CAMK1D: variants seen among roughly 807,000 people sequenced by gnomAD.
CAMK1D encodes calcium/calmodulin-dependent protein kinase type 1D.
Under a neutral mutation model 47.7 loss-of-function variants are expected in CAMK1D, and 9 were observed. That is an observed-to-expected ratio of 0.19 (90% CI 0.11 to 0.33). CAMK1D has a LOEUF of 0.33. Ranked by LOEUF, CAMK1D falls within the 10% of genes least tolerant of loss-of-function variation. The pLI, the probability that CAMK1D is intolerant of heterozygous loss-of-function variation, is 1.00. For synonymous variants in CAMK1D, 184 were observed against 184.9 expected (o/e 0.99, Z 0.04); for missense variants, 291 against 488.7 (o/e 0.60, Z 3.81).
At chr10:12,616,724 A>G (rs1028102327) in intron 2 of CAMK1D, among the ~76,000 whole-genome samples, 4 of 152,098 alleles carry the variant, frequency 2.6e-5, no homozygotes, top group Non-Finnish European at 5.9e-5. Flanking sequence ...TCACCTTGTT[A>G]GCCAGGATGG....
chr10:12,517,195 A>G (rs7079144), intron 1 of CAMK1D, among the ~76,000 whole-genome samples: 79,584 of 151,868 alleles, frequency 0.52, 21,003 homozygotes, highest in South Asian at 0.68. Context: ...CATTGCTCGT[A>G]TATAGAAACA....
At chr10:12,800,474 A>T (rs529833049) in intron 6 of CAMK1D, among the ~76,000 whole-genome samples, 114 of 152,362 alleles carry the variant, frequency 7.5e-4, no homozygotes, top group African/African-American at 2.7e-3. Context: ...GCCAAGGCAG[A>T]GGACAAACAG....
intron 2 of CAMK1D, among the ~76,000 whole-genome samples, chr10:12,594,144 C>CT (rs1838077941): frequency 2.0e-5 from 3 of 152,166 alleles, no homozygotes; most frequent in Non-Finnish European, 2.9e-5. Flanking sequence ...CCATTGCACT[C>CT]TAATAACACA....
intron 2 of CAMK1D, among the ~76,000 whole-genome samples, chr10:12,623,716 T>C (rs1588702697): frequency 1.3e-5 from 2 of 152,018 alleles, no homozygotes; most frequent in South Asian, 4.2e-4. Context: ...GCTCCCTTTT[T>C]TTCCCCCCCA....
intron 1 of CAMK1D, among the ~76,000 whole-genome samples, chr10:12,446,311 TG>T (rs1832923839): frequency 2.0e-5 from 3 of 152,056 alleles, no homozygotes; most frequent in Non-Finnish European, 2.9e-5. Flanking sequence ...AAACAAGGGG[TG>T]AATTATTCAT....
At chr10:12,627,303 C>T (rs1349817906) in intron 2 of CAMK1D, among the ~76,000 whole-genome samples, 1 of 151,918 alleles carries the variant, frequency 6.6e-6, no homozygotes, top group Admixed American at 6.6e-5. Context: ...CCAGGATGGT[C>T]GCGATCTCCC....
intron 1 of CAMK1D, among the ~76,000 whole-genome samples, chr10:12,488,514 C>T (rs77387163): frequency 0.029 from 4,404 of 152,102 alleles, 218 homozygotes; most frequent in African/African-American, 0.1. Flanking sequence ...CAAATGTTTC[C>T]GTGGACTGGG....
chr10:12,485,667 G>C (rs139699424), intron 1 of CAMK1D, among the ~76,000 whole-genome samples: 4 of 152,276 alleles, frequency 2.6e-5, no homozygotes, highest in African/African-American at 9.6e-5. Context: ...CTCTAATTCA[G>C]CTTCTTTATC....
chr10:12,385,751 T>G (rs987241659), intron 1 of CAMK1D, among the ~76,000 whole-genome samples: 1 of 145,494 alleles, frequency 6.9e-6, no homozygotes, highest in African/African-American at 2.5e-5. Flanking sequence ...TTTTTTTTTT[T>G]TTTTTTTTTT....
At chr10:12,557,611 T>G (rs1462221412) in intron 2 of CAMK1D, among the ~76,000 whole-genome samples, 1 of 151,294 alleles carries the variant, frequency 6.6e-6, no homozygotes, top group Non-Finnish European at 1.5e-5. Flanking sequence ...CATGACTAAG[T>G]CATTGTAGAC....
chr10:12,743,355 A>AAAAAAAAAAAAAAAAAGAAAAG (rs1461631779), intron 3 of CAMK1D, among the ~76,000 whole-genome samples: 1 of 118,154 alleles, frequency 8.5e-6, no homozygotes, highest in African/African-American at 2.8e-5. Flanking sequence ...TCAAAAAAAA[A>AAAAAAAAAAAAAAAAAGAAAAG]AAAAGAAAAA....
At chr10:12,460,890 G>A (rs1161312152) in intron 1 of CAMK1D, among the ~76,000 whole-genome samples, 2 of 152,212 alleles carry the variant, frequency 1.3e-5, no homozygotes, top group African/African-American at 4.8e-5. Context: ...TTGCTTAAAA[G>A]GGTTGGACTC....
intron 1 of CAMK1D, among the ~76,000 whole-genome samples, chr10:12,377,863 G>A (rs961318460): frequency 4.6e-5 from 7 of 152,194 alleles, no homozygotes; most frequent in Non-Finnish European, 7.3e-5. Flanking sequence ...TGATTTATGT[G>A]CAAGATGACC....
At chr10:12,724,030 AC>A (rs1834509677) in intron 3 of CAMK1D, among the ~76,000 whole-genome samples, 1 of 152,034 alleles carries the variant, frequency 6.6e-6, no homozygotes, top group African/African-American at 2.4e-5. Flanking sequence ...ATTCTGTCGC[AC>A]AGGCTGGAGT....
rs540594250 is a variant in CAMK1D, at chr10:12,748,079, G to T, written c.300-12869G>T. ...ACCCTCACGGCGCCAGTCAGAGGAT[G>T]CAGCGAAGGGATGCTAAGAAGCCAT... is the stretch of plus-strand genomic sequence containing the variant. On this transcript the variant is annotated intron_variant, in intron 3 of 10. Coordinates refer to ENST00000619168, the MANE Select transcript of CAMK1D (RefSeq NM_153498.4). 4.8e-4 allele frequency among the ~76,000 whole-genome samples: 73 copies of T among 152,334 alleles called. No individual in the cohort carries two copies. In the Middle Eastern group the frequency reaches 0.014, roughly 28 times the overall value.
At chr10:12,642,193 A>T (rs1839686328) in intron 2 of CAMK1D, among the ~76,000 whole-genome samples, 2 of 152,194 alleles carry the variant, frequency 1.3e-5, no homozygotes, top group Non-Finnish European at 2.9e-5. Context: ...CTGCGTGATG[A>T]CGCATCATGC....
intron 1 of CAMK1D, among the ~76,000 whole-genome samples, chr10:12,504,765 G>A (rs1050372211): frequency 2.6e-5 from 4 of 152,040 alleles, no homozygotes; most frequent in South Asian, 2.1e-4. Context: ...ACTACCTCCC[G>A]GGACGGTGAG....
At chr10:12,512,423 C>T (rs1708832780) in intron 1 of CAMK1D, among the ~76,000 whole-genome samples, 1 of 152,084 alleles carries the variant, frequency 6.6e-6, no homozygotes, top group African/African-American at 2.4e-5. Context: ...TGAGATGGAG[C>T]CCTGCTCTGT....
intron 3 of CAMK1D, among the ~76,000 whole-genome samples, chr10:12,698,736 G>A (rs1459091138): frequency 7.3e-6 from 1 of 137,290 alleles, no homozygotes; most frequent in African/African-American, 2.8e-5. Flanking sequence ...GCAGTGGTGT[G>A]ATCTCGGCTC....
Sources: allele counts gnomAD v4.1 joint callset (sites outside exome capture counted in the v4.1 genomes callset), GRCh38; gene constraint gnomAD v4.1.1; transcripts MANE v1.5; gene names NCBI Gene and HGNC (gene_info 2026-07-23, HGNC 2026-07-21).